The following SUGCT variants were observed in gnomAD, a reference collection of about 807,000 sequenced individuals.
SUGCT encodes succinyl-CoA:glutarate-CoA transferase.
Under a neutral mutation model 55.0 loss-of-function variants are expected in SUGCT, and 41 were observed. That is an observed-to-expected ratio of 0.74 (90% confidence interval 0.58 to 0.97). The LOEUF (loss-of-function observed/expected upper bound fraction) is 0.97, where lower values mean the gene tolerates loss of function less well. SUGCT is among the 50% of genes least tolerant of loss of function. The pLI is 0.00. For missense variants in SUGCT, 568 were observed against 547.8 expected, an observed-to-expected ratio of 1.04 and a Z score of -0.37; for synonymous variants, 187 against 200.4, an observed-to-expected ratio of 0.93 and a Z score of 0.56.
At chr7:40,756,617 G>A (rs564572014) in intron 13 of SUGCT, among the ~76,000 whole-genome samples, 2 of 152,210 alleles carry the variant, frequency 1.3e-5, no homozygotes, top group South Asian at 2.1e-4. Flanking sequence ...ACAGCAGTGG[G>A]GAAAGCTGTC....
At chr7:40,520,880 C>G (rs1180664048) in intron 12 of SUGCT, among the ~76,000 whole-genome samples, 1 of 152,200 alleles carries the variant, frequency 6.6e-6, no homozygotes, top group Middle Eastern at 3.4e-3. Context: ...TTAAAGGGGA[C>G]ACATTTTCTT....
chr7:40,524,898 G>A lies in SUGCT; in HGVS notation c.1089+28512G>A, dbSNP rs528866869. 3.9e-5 allele frequency among the ~76,000 whole-genome samples: 6 copies of A among 152,256 alleles called. No individual in the cohort carries two copies. In the East Asian group the frequency reaches 1.2e-3, roughly 29 times the overall value. ...CCAAGGTGGTGGTGTGGTAGAGAGT[G>A]GAGGGGCATGTGTACTTCACCCCTA... On this transcript the variant is annotated intron_variant, in intron 12 of 13. Transcript: ENST00000335693.
chr7:40,982,165 C>T, the SUGCT span, among the ~76,000 whole-genome samples: 3 of 152,162 alleles, frequency 2.0e-5, no homozygotes, highest in Admixed American at 1.3e-4. Flanking sequence ...GCCTGGCTCA[C>T]AGTGAGAACT....
chr7:40,568,260 C>A (rs1002250786), intron 12 of SUGCT, among the ~76,000 whole-genome samples: 2 of 152,072 alleles, frequency 1.3e-5, no homozygotes, highest in East Asian at 1.9e-4. Flanking sequence ...TTAAATTCAT[C>A]ATTCAGGTAC....
At chr7:40,195,754 G>A (rs1223084352) in intron 6 of SUGCT, among the ~76,000 whole-genome samples, 4 of 111,824 alleles carry the variant, frequency 3.6e-5, no homozygotes, top group East Asian at 2.8e-4. Context: ...TCACTCTGTC[G>A]CCCAGCCTGG....
intron 12 of SUGCT, chr7:40,546,618 A>C (rs1795004702): frequency 6.6e-6 from 1 of 152,206 alleles, no homozygotes; most frequent in Non-Finnish European, 1.5e-5. Flanking sequence ...AGACTCTTAG[A>C]CTCATAGAAT....
chr7:40,842,769 T>C (rs1292668906), intron 13 of SUGCT, among the ~76,000 whole-genome samples: 1 of 152,350 alleles, frequency 6.6e-6, no homozygotes, highest in East Asian at 1.9e-4. Flanking sequence ...TTAGAATGTT[T>C]CATTTTTGGA....
At chr7:40,210,663 A>C (rs1023107458) in intron 6 of SUGCT, among the ~76,000 whole-genome samples, 2 of 152,108 alleles carry the variant, frequency 1.3e-5, no homozygotes, top group African/African-American at 2.4e-5. Context: ...AGGAAGGGGA[A>C]GGGGTTCTTA....
chr7:41,035,331 A>T, the SUGCT span, among the ~76,000 whole-genome samples: 1 of 152,008 alleles, frequency 6.6e-6, no homozygotes, highest in Non-Finnish European at 1.5e-5. Context: ...GGGCCCTCTT[A>T]CTCCTACAGC....
chr7:40,574,721 C>T (rs78247538), intron 12 of SUGCT, among the ~76,000 whole-genome samples: 5 of 151,970 alleles, frequency 3.3e-5, no homozygotes, highest in African/African-American at 7.3e-5. Flanking sequence ...CGTGAGCCAC[C>T]GTGCCCGGCT....
chr7:40,623,768 A>AT (rs1282730792), intron 12 of SUGCT, among the ~76,000 whole-genome samples: 1 of 151,784 alleles, frequency 6.6e-6, no homozygotes, highest in African/African-American at 2.4e-5. Flanking sequence ...GTAATCAATA[A>AT]TTTTTTGGGA....
chr7:40,830,307 A>G (rs1025265411), intron 13 of SUGCT, among the ~76,000 whole-genome samples: 1 of 152,148 alleles, frequency 6.6e-6, no homozygotes, highest in Non-Finnish European at 1.5e-5. Flanking sequence ...GTTAGGAGAA[A>G]GTCCTTCCAG....
the SUGCT span, among the ~76,000 whole-genome samples, chr7:40,914,820 G>A: frequency 1.3e-4 from 20 of 152,042 alleles, no homozygotes; most frequent in Admixed American, 3.9e-4. Context: ...CCTTTTAGAA[G>A]GCACAATAAA....
At chr7:40,647,619 G>C (rs1800586119) in intron 12 of SUGCT, among the ~76,000 whole-genome samples, 1 of 152,152 alleles carries the variant, frequency 6.6e-6, no homozygotes, top group Non-Finnish European at 1.5e-5. Flanking sequence ...GGGAGGCCAA[G>C]GTGGGTGGAT....
At chr7:40,943,242 TC>T in the SUGCT span, among the ~76,000 whole-genome samples, 6 of 151,258 alleles carry the variant, frequency 4.0e-5, no homozygotes, top group South Asian at 2.1e-4. Context: ...TAAATTTCCT[TC>T]CCCCCCTTGA....
rs375450040 is a variant in SUGCT at position 40,780,030 on chromosome 7, GT to G, written c.1153+30537del. On this transcript the variant is annotated intron_variant, in intron 13 of 13. Coordinates refer to ENST00000335693, the MANE Select transcript of SUGCT (RefSeq NM_001193313.2). ...CTGTTGTTTAATTGAAACTCTAATG[GT>G]TTTATTTACCTAAGCATTCTTTAAA... is the stretch of plus-strand genomic sequence containing the variant. Among the ~76,000 whole-genome samples, 8 of 152,232 alleles carry G rather than the reference GT, an allele frequency of 5.3e-5. No homozygotes were observed. In the South Asian group the frequency reaches 8.3e-4, roughly 16 times the overall value.
chr7:40,500,313 T>C (rs1381241891), intron 12 of SUGCT, among the ~76,000 whole-genome samples: 1 of 152,130 alleles, frequency 6.6e-6, no homozygotes, highest in Non-Finnish European at 1.5e-5. Context: ...ATATCAGGTG[T>C]AAGACATCAC....
intron 6 of SUGCT, among the ~76,000 whole-genome samples, chr7:40,232,317 A>G (rs1468912044): frequency 6.6e-6 from 1 of 152,194 alleles, no homozygotes; most frequent in Non-Finnish European, 1.5e-5. Context: ...AGTTGTTTTG[A>G]TAATTGAGGT....
intron 6 of SUGCT, among the ~76,000 whole-genome samples, chr7:40,212,172 T>A (rs1255550998): frequency 6.6e-6 from 1 of 151,530 alleles, no homozygotes. Context: ...GCAGCCTTGA[T>A]CCTCTGGGCT....
Sources: gnomAD v4.1 joint callset for allele counts (sites outside exome capture counted in the v4.1 genomes callset) on GRCh38, gnomAD v4.1.1 for gene constraint, MANE v1.5 for transcripts, NCBI Gene and HGNC (gene_info 2026-07-23, HGNC 2026-07-21) for gene names.